Variants in CAST observed in about 807,000 individuals in gnomAD.
CAST encodes the protein MIR583 host.
A neutral mutation model predicts 119.6 loss-of-function variants in CAST; 76 were observed. The observed-to-expected ratio is 0.64, with a 90% CI of 0.53 to 0.77. The LOEUF (loss-of-function observed/expected upper bound fraction) is 0.77, where lower values mean the gene tolerates loss of function less well. Ranked by LOEUF, CAST falls within the 30% of genes least tolerant of loss-of-function variation. The pLI is 0.00. For synonymous variants in CAST, 319 were observed against 331.6 expected (o/e 0.96, Z 0.41); for missense variants, 953 against 946.5 (o/e 1.01, Z -0.09).
At chr5:96,318,185 C>A in the CAST span, among the ~76,000 whole-genome samples, 2 of 152,346 alleles carry the variant, frequency 1.3e-5, no homozygotes, top group Admixed American at 1.3e-4. Flanking sequence ...GTTAACCTTC[C>A]TACTGGAGCA....
the CAST span, among the ~76,000 whole-genome samples, chr5:96,516,588 A>G: frequency 6.6e-6 from 1 of 152,186 alleles, no homozygotes; most frequent in Non-Finnish European, 1.5e-5. Context: ...AAATGACACA[A>G]TGTTTTTAAA....
At chr5:95,983,120 G>T in the CAST span, among the ~76,000 whole-genome samples, 3 of 152,154 alleles carry the variant, frequency 2.0e-5, no homozygotes, top group African/African-American at 7.2e-5. Context: ...TCTAATAACA[G>T]GCAAAGTTAT....
the CAST span, among the ~76,000 whole-genome samples, chr5:96,294,034 AC>A: frequency 1.3e-5 from 2 of 152,232 alleles, no homozygotes. Context: ...TGCTGGGATT[AC>A]AGGCATGAGC....
chr5:96,541,887 C>T (rs1428640307), intron 1 of CAST, among the ~76,000 whole-genome samples: 2 of 152,204 alleles, frequency 1.3e-5, no homozygotes, highest in Non-Finnish European at 2.9e-5. Flanking sequence ...ATCTTGGTTG[C>T]TTCCAGTTTT....
chr5:96,723,312 T>C (rs1046359013), intron 4 of CAST, among the ~76,000 whole-genome samples: 1 of 152,144 alleles, frequency 6.6e-6, no homozygotes, highest in Admixed American at 6.5e-5. Flanking sequence ...AGTTTTTTAA[T>C]TGAAGATATT....
At chr5:96,444,470 A>G in the CAST span, among the ~76,000 whole-genome samples, 1 of 152,182 alleles carries the variant, frequency 6.6e-6, no homozygotes, top group Non-Finnish European at 1.5e-5. Flanking sequence ...TGTAATTTTA[A>G]ATATCCTCTT....
the CAST span, among the ~76,000 whole-genome samples, chr5:96,389,412 A>C: frequency 5.3e-5 from 8 of 152,216 alleles, no homozygotes; most frequent in Non-Finnish European, 1.0e-4. Flanking sequence ...CAATGAAATG[A>C]AAATAGAGAT....
At chr5:96,126,745 C>T in the CAST span, among the ~76,000 whole-genome samples, 1 of 152,080 alleles carries the variant, frequency 6.6e-6, no homozygotes, top group Non-Finnish European at 1.5e-5. Context: ...GTGTACAAAA[C>T]ACTGTATAAA....
the CAST span, among the ~76,000 whole-genome samples, chr5:96,322,121 G>T: frequency 6.6e-6 from 1 of 152,148 alleles, no homozygotes; most frequent in Non-Finnish European, 1.5e-5. Context: ...ATAGAAGGGA[G>T]TCTATTTTAT....
chr5:96,224,446 G>A, the CAST span, among the ~76,000 whole-genome samples: 8 of 152,200 alleles, frequency 5.3e-5, no homozygotes, highest in Middle Eastern at 6.8e-3. Context: ...GTTGATCTGG[G>A]TGGGCCCTAA....
At chr5:96,374,829 C>T in the CAST span, among the ~76,000 whole-genome samples, 1 of 152,028 alleles carries the variant, frequency 6.6e-6, no homozygotes, top group Admixed American at 6.6e-5. Context: ...AAGAAAGGTT[C>T]CGGTTCTTCT....
chr5:96,763,069 T>G, intron 25 of CAST: 1 of 767,794 alleles, frequency 1.3e-6, no homozygotes, highest in Non-Finnish European at 2.4e-6. Flanking sequence ...CCCCATCTCC[T>G]TTGGTTGAGA....
the CAST span, among the ~76,000 whole-genome samples, chr5:96,215,933 G>A: frequency 7.2e-5 from 11 of 152,054 alleles, no homozygotes; most frequent in African/African-American, 1.9e-4. Context: ...TCAGCCTCCC[G>A]TGTAGCTGGG....
At chr5:96,173,302 ATAT>A in the CAST span, among the ~76,000 whole-genome samples, 2 of 152,368 alleles carry the variant, frequency 1.3e-5, no homozygotes, top group Non-Finnish European at 1.5e-5. Flanking sequence ...CTATGCCATC[ATAT>A]TATTTGCAGT....
rs565356688 is a variant in CAST, at chr5:96,702,289, T to G, written c.210+6382T>G. On this transcript the variant is annotated intron_variant, in intron 3 of 31. Coordinates refer to ENST00000675179, the MANE Select transcript of CAST (RefSeq NM_001750.7). ...ACCCCTCTATTTATTCATTCATTTATTTACAGCAGTATAGACTCATGAATT... is the reference window on the plus strand; with the variant it reads ...ACCCCTCTATTTATTCATTCATTTAGTTACAGCAGTATAGACTCATGAATT... 2.0e-5 allele frequency among the ~76,000 whole-genome samples: 3 copies of G among 152,358 alleles called. No individual in the cohort carries two copies. The East Asian group carries it at 5.8e-4, about 29-fold the overall frequency.
At chr5:96,432,462 C>T in the CAST span, among the ~76,000 whole-genome samples, 1 of 152,206 alleles carries the variant, frequency 6.6e-6, no homozygotes, top group Non-Finnish European at 1.5e-5. Flanking sequence ...GCTCCTGACG[C>T]AGACCGCCTC....
the CAST span, among the ~76,000 whole-genome samples, chr5:96,038,706 C>T: frequency 2.4e-4 from 36 of 152,140 alleles, no homozygotes; most frequent in African/African-American, 7.7e-4. Flanking sequence ...TGAACTCATC[C>T]TTTTTTATGG....
At chr5:96,111,087 C>T in the CAST span, 1 of 152,176 alleles carries the variant, frequency 6.6e-6, no homozygotes, top group Non-Finnish European at 1.5e-5. Flanking sequence ...GTAGTGAGTC[C>T]CCAGGTTACC....
the CAST span, among the ~76,000 whole-genome samples, chr5:96,023,393 G>A: frequency 6.6e-6 from 1 of 152,172 alleles, no homozygotes; most frequent in Non-Finnish European, 1.5e-5. Context: ...TAAAGTTTGA[G>A]TTTGAAACGT....
Sources: gnomAD v4.1 joint callset for allele counts (sites outside exome capture counted in the v4.1 genomes callset) on GRCh38, gnomAD v4.1.1 for gene constraint, MANE v1.5 for transcripts, NCBI Gene and HGNC (gene_info 2026-07-23, HGNC 2026-07-21) for gene names.